Variants in SULF2 observed in about 807,000 individuals in gnomAD.
The protein encoded by SULF2 is sulfatase 2, also known as extracellular sulfatase Sulf-2.
A neutral mutation model predicts 107.7 loss-of-function variants in SULF2; 52 were observed. That is an observed-to-expected ratio of 0.48 (90% confidence interval 0.39 to 0.61). The LOEUF (loss-of-function observed/expected upper bound fraction) is 0.61. Among genes scored for constraint, SULF2 ranks in the 20% least tolerant of loss-of-function variants. The pLI is 0.00. For missense variants in SULF2, 993 were observed against 1,177.3 expected (o/e 0.84, Z 2.29); for synonymous variants, 460 against 464.3 (o/e 0.99, Z 0.12).
At chr20:47,736,587 T>A in intron 3 of SULF2, 116 bp downstream of exon 3, 2 of 1,354,274 alleles carry the variant, frequency 1.5e-6, no homozygotes, top group South Asian at 2.9e-5. Flanking sequence ...TATAAGAGAG[T>A]TGCTCTAGGG....
In SULF2 at chr20:47,667,864, C is replaced by T. The variant is rs369672632; in HGVS notation, c.1577-1376G>A. On this transcript the variant is annotated intron_variant, in intron 11 of 20. Transcript: ENST00000688720. ...GAGGGAGGAAAGGGCTCCCTTCTCACGTGGCCCGGGTGCCACCCCCACTCT... is the reference window on the plus strand; with the variant it reads ...GAGGGAGGAAAGGGCTCCCTTCTCATGTGGCCCGGGTGCCACCCCCACTCT... Among the ~76,000 whole-genome samples, 52 of 152,286 alleles carry T rather than the reference C, an allele frequency of 3.4e-4. 3 individuals carry two copies. The South Asian group carries it at 8.1e-3, about 24-fold the overall frequency.
At position 47,766,943 on chromosome 20, in the gene SULF2, TC is replaced by T. The variant is rs1351508673; in HGVS notation, c.-100-9481del. Among the ~76,000 whole-genome samples the T allele has an allele frequency of 2.3e-5, 3 of 130,446 alleles. 1 individual carries two copies. The East Asian group carries it at 9.5e-4, about 41-fold the overall frequency. The allele number at this position is 130,446 out of a possible 152,430, so 85.6% of individuals were successfully genotyped here. On this transcript the variant is annotated intron_variant, in intron 1 of 20. Coordinates refer to ENST00000688720, the MANE Select transcript of SULF2 (RefSeq NM_001387048.1). The stretch of plus-strand genomic sequence containing the variant: ...CCACTTGCTTTGTACTGTTTCATGA[TC>T]AGTAGAAAAAAAAAAAAAGAACAGA...
At chr20:47,699,388 A>T (rs1428665533) in intron 4 of SULF2, among the ~76,000 whole-genome samples, 1 of 151,834 alleles carries the variant, frequency 6.6e-6, no homozygotes, top group East Asian at 2.0e-4. Context: ...CAGAAGTACT[A>T]CATGTTATCA....
intron 4 of SULF2, among the ~76,000 whole-genome samples, chr20:47,696,201 A>C (rs1610378): frequency 6.6e-6 from 1 of 152,094 alleles, no homozygotes; most frequent in Non-Finnish European, 1.5e-5. Flanking sequence ...TTGGGAATAG[A>C]CACAGTATAT....
intron 10 of SULF2, 149 bp from the exon 11 acceptor site, chr20:47,672,542 C>G (rs2087513363): frequency 1.4e-6 from 2 of 1,419,216 alleles, no homozygotes; most frequent in East Asian, 5.1e-5. Context: ...TCCAATGCCG[C>G]TTCTCTCCAC....
chr20:47,757,587 G>T (rs939513486), intron 1 of SULF2, 124 bp from the exon 2 acceptor site: 1 of 518,114 alleles, frequency 1.9e-6, no homozygotes. Context: ...GGGTGGCTAT[G>T]GCAGAGTGAA....
At chr20:47,728,786 C>T (rs925940726) in intron 3 of SULF2, among the ~76,000 whole-genome samples, 1 of 152,174 alleles carries the variant, frequency 6.6e-6, no homozygotes, top group Admixed American at 6.5e-5. Context: ...GCTGAGATTA[C>T]AGGCTTGCGC....
At chr20:47,672,853 CCT>C (rs1177074589) in intron 10 of SULF2, among the ~76,000 whole-genome samples, 1 of 152,206 alleles carries the variant, frequency 6.6e-6, no homozygotes, top group Non-Finnish European at 1.5e-5. Flanking sequence ...TCCAGTATCC[CCT>C]GTGGGCTGCT....
At chr20:47,665,770 TG>T in intron 13 of SULF2, 86 bp downstream of exon 13, 1 of 1,113,872 alleles carries the variant, frequency 9.0e-7, no homozygotes, top group Non-Finnish European at 1.4e-6. Context: ...TCCCTGGGTC[TG>T]GCCTCACTGC....
intron 1 of SULF2, among the ~76,000 whole-genome samples, chr20:47,757,725 C>T (rs1364774655): frequency 2.6e-5 from 4 of 152,080 alleles, no homozygotes; most frequent in African/African-American, 4.8e-5. Flanking sequence ...TCTGATGTGT[C>T]GGTGGCAGCC....
At chr20:47,663,409 C>T (rs373080928) in intron 16 of SULF2, 44 bp downstream of exon 16, 72 of 1,601,322 alleles carry the variant, frequency 4.5e-5, no homozygotes, top group Non-Finnish European at 5.9e-5. Context: ...GTTTCTTGAA[C>T]CCCTGGGCCT....
chr20:47,696,962 G>A (rs1439232150), intron 4 of SULF2, among the ~76,000 whole-genome samples: 1 of 152,168 alleles, frequency 6.6e-6, no homozygotes, highest in Admixed American at 6.5e-5. Context: ...GCCGTCTCCT[G>A]CCTATGACTG....
rs1292510470 is a variant in SULF2 at position 47,723,252 on chromosome 20, G to GAAAA, written c.415+13447_415+13450dup. ...GAGTGACAGTCCATCTCAAAAAAAA[G>GAAAA]AAAAAAAAAAAAGTTCACAAACATG... On this transcript the variant is annotated intron_variant, in intron 3 of 20. Coordinates refer to ENST00000688720, the MANE Select transcript of SULF2 (RefSeq NM_001387048.1). Among the ~76,000 whole-genome samples the GAAAA allele has an allele frequency of 7.5e-5, 10 of 132,978 alleles. No homozygotes were observed. The Admixed American group carries it at 7.5e-4, about 10-fold the overall frequency. 87.2% of individuals were successfully genotyped at this position (132,978 alleles called of 152,430 possible).
intron 19 of SULF2, 23 bp downstream of exon 19, chr20:47,659,674 G>T: frequency 6.2e-7 from 1 of 1,601,584 alleles, no homozygotes; most frequent in Non-Finnish European, 8.6e-7. Context: ...CTTTGTTTAG[G>T]CTTTAATAAT....
intron 1 of SULF2, among the ~76,000 whole-genome samples, chr20:47,757,982 A>G (rs941535316): frequency 2.0e-5 from 3 of 152,040 alleles, no homozygotes; most frequent in Non-Finnish European, 2.9e-5. Flanking sequence ...GACAACTGGC[A>G]TGTGTGAGTG....
At chr20:47,730,830 T>G (rs1370565506) in intron 3 of SULF2, among the ~76,000 whole-genome samples, 1 of 152,230 alleles carries the variant, frequency 6.6e-6, no homozygotes, top group Non-Finnish European at 1.5e-5. Context: ...ATGCTTTTCC[T>G]TATTCTTTCC....
Position 47,690,126 on chromosome 20 carries a change from A to G in SULF2, c.737T>C (p.Ile246Thr). 6.8e-7 allele frequency: 1 copy of G among 1,472,058 alleles called. No individual in the cohort carries two copies. Among genetic ancestry groups the G allele is most frequent in the Non-Finnish European group, 9.1e-7 (1 of 1,101,426 alleles). The allele number at this position is 1,472,058 out of a possible 1,614,324, so 91.2% of individuals were successfully genotyped here. ...TGGCAGGCAGAGTGCTGAGGCTTAC[A>G]TGTGCTGAGATGCGTTTGGGAAGAG... ...SRLFPNASQHITPSYNYAPNP... is the reference protein window; with the variant it reads ...SRLFPNASQHTTPSYNYAPNP... Residue 246 changes from isoleucine (I) to threonine (T), a missense_variant and splice_region_variant, in exon 5 of 21, where the codon ATC (isoleucine) becomes ACC (threonine). Physicochemically the swap from Ile to Thr is moderately conservative, Grantham distance 89. Around this residue, in one of 3 missense-constraint regions of SULF2, gnomAD observed 388 missense variants for 449.2 expected, o/e 0.86. Transcript: ENST00000688720.
At chr20:47,727,510 C>T (rs2089476263) in intron 3 of SULF2, among the ~76,000 whole-genome samples, 1 of 152,182 alleles carries the variant, frequency 6.6e-6, no homozygotes, top group African/African-American at 2.4e-5. Context: ...CTAAGCCACC[C>T]AGTCTGTGGT....
intron 10 of SULF2, 24 bp from the exon 11 acceptor site, chr20:47,672,417 G>A (rs2087508855): frequency 2.6e-6 from 4 of 1,549,724 alleles, no homozygotes; most frequent in Admixed American, 3.7e-5. Context: ...CAGGGCCTCG[G>A]CCAGCTGCTC....
Sources: gnomAD v4.1 joint callset for allele counts (sites outside exome capture counted in the v4.1 genomes callset) on GRCh38, gnomAD v4.1.1 for gene constraint, gnomAD v4.1.1 regional missense constraint, MANE v1.5 for transcripts, NCBI Gene and HGNC (gene_info 2026-07-23, HGNC 2026-07-21) for gene names.